The following CPZ variants were observed in gnomAD, a reference collection of about 807,000 sequenced individuals.
CPZ encodes the protein VEZT/CPZ fusion.
Under a neutral mutation model 61.8 loss-of-function variants are expected in CPZ, and 103 were observed. The observed-to-expected ratio is 1.67, with a 90% CI of 1.42 to 1.96. CPZ has a LOEUF of 1.96. CPZ is among the 30% of genes most tolerant of loss of function. The pLI, the probability that CPZ is intolerant of heterozygous loss-of-function variation, is 0.00. For missense variants in CPZ, 1,461 were observed against 914.9 expected (o/e 1.60, Z -7.70); for synonymous variants, 551 against 373.7 (o/e 1.47, Z -5.47).
Position 8,599,453 on chromosome 4 carries a change from G to T in CPZ, c.89G>T (p.Gly30Val). The T allele has an allele frequency of 6.2e-7, 1 of 1,610,548 alleles. No individual in the cohort carries two copies. Among genetic ancestry groups the T allele is most frequent in the Non-Finnish European group, 8.5e-7 (1 of 1,177,866 alleles). ...AACAGTGCCATGTCTCTCTTTCCAGGTGAATGCCACAGGCCACCAGCTGCA... is the reference window on the plus strand; with the variant it reads ...AACAGTGCCATGTCTCTCTTTCCAGTTGAATGCCACAGGCCACCAGCTGCA... Reference protein sequence around the residue: ...PGCEFERNPAGECHRPPAADS... With the variant: ...PGCEFERNPAVECHRPPAADS... Residue 30 changes from glycine (G) to valine (V), a missense_variant and splice_region_variant, in exon 2 of 11, where the codon GGT becomes GTT. Transcript: ENST00000360986.
At chr4:8,603,890 G>C in intron 3 of CPZ, 86 bp from the exon 4 acceptor site, 1 of 1,147,958 alleles carries the variant, frequency 8.7e-7, no homozygotes, top group Non-Finnish European at 1.3e-6. Context: ...AGGGGACTAA[G>C]GGTGCTGTGT....
At position 8,599,881 on chromosome 4, in the gene CPZ, C is replaced by T. The variant is rs151013719; in HGVS notation, c.121+396C>T. 8.5e-4 allele frequency: 198 copies of T among 232,724 alleles called. 6 individuals carry two copies. In the East Asian group the frequency reaches 0.02, roughly 23 times the overall value. 14.4% of individuals were successfully genotyped at this position (232,724 alleles called of 1,614,324 possible). On this transcript the variant is annotated intron_variant, in intron 2 of 10. Transcript: ENST00000360986. The stretch of plus-strand genomic sequence containing the variant: ...ACCTCCCCCGCCAGGCCCCGATTTC[C>T]TCCTTGTGACAGGAGGAGTGCTGAA...
At chr4:8,596,035 C>T (rs1416418391) in intron 1 of CPZ, among the ~76,000 whole-genome samples, 4 of 143,776 alleles carry the variant, frequency 2.8e-5, no homozygotes, top group Non-Finnish European at 6.1e-5. Context: ...AGCCTTCCAG[C>T]CTCCAGGGCT....
At chr4:8,596,630 T>C (rs1018913976) in intron 1 of CPZ, among the ~76,000 whole-genome samples, 1 of 152,240 alleles carries the variant, frequency 6.6e-6, no homozygotes, top group African/African-American at 2.4e-5. Flanking sequence ...TGATGGATCC[T>C]CCAACAGCCC....
intron 7 of CPZ, among the ~76,000 whole-genome samples, chr4:8,611,565 T>G (rs1229203709): frequency 6.6e-6 from 1 of 151,692 alleles, no homozygotes; most frequent in Admixed American, 6.6e-5. Flanking sequence ...TGGAGTGGGG[T>G]GGGGAATGAA....
rs138332395 is a variant in CPZ, at chr4:8,617,604, A to G, written c.1504-825A>G. Among the ~76,000 whole-genome samples, 265 of 152,358 alleles carry G rather than the reference A, an allele frequency of 1.7e-3. 1 individual carries two copies. The highest frequency in any genetic ancestry group is 6.2e-3 in the African/African-American group (257 of 41,586). On this transcript the variant is annotated intron_variant, in intron 9 of 10. Transcript: ENST00000360986. The stretch of plus-strand genomic sequence containing the variant: ...GATCATTTTCATAGTTTCTGGAAGC[A>G]CAGCAGGGCCTGGCTGGGAGCCCTT...
intron 5 of CPZ, among the ~76,000 whole-genome samples, chr4:8,606,467 C>T (rs866186542): frequency 3.3e-5 from 5 of 151,924 alleles, no homozygotes; most frequent in African/African-American, 7.3e-5. Flanking sequence ...GGGTAGCTCT[C>T]GGGGAGGTGG....
intron 2 of CPZ, chr4:8,599,728 G>A: frequency 1.0e-6 from 1 of 974,108 alleles, no homozygotes; most frequent in South Asian, 1.8e-5. Flanking sequence ...CCCCTGCAGA[G>A]ATGTCCTCTC....
intron 7 of CPZ, among the ~76,000 whole-genome samples, chr4:8,609,059 A>ACTCACCCATTCACTCACGTACTCACTCC (rs770569163): frequency 2.7e-3 from 321 of 118,000 alleles, no homozygotes; most frequent in East Asian, 9.1e-3. Context: ...TCCCTCCCTC[A>ACTCACCCATTCACTCACGTACTCACTCC]CTCCCTCACT....
intron 9 of CPZ, among the ~76,000 whole-genome samples, chr4:8,616,222 A>G (rs1652158467): frequency 6.6e-6 from 1 of 152,104 alleles, no homozygotes; most frequent in Non-Finnish European, 1.5e-5. Flanking sequence ...TGGCCAATTG[A>G]GGCTTTTTTC....
chr4:8,601,440 C>A lies in CPZ; in HGVS notation c.439C>A (p.His147Asn). ...DMAWPYFLDC[H>N]RYFTREDEGC... The stretch of plus-strand genomic sequence containing the variant: ...GGCCTGGCCCTACTTCCTTGACTGC[C>A]ACCGCTACTTCACGAGAGAGGACGA... The change falls in exon 3 of 11, where the codon CAC (histidine) becomes AAC (asparagine). Residue 147 changes from histidine to asparagine, a missense_variant. Physicochemically the swap from His to Asn is moderately conservative, Grantham distance 68. Transcript: ENST00000360986. 6.4e-7 allele frequency: 1 copy of A among 1,551,532 alleles called. No individual in the cohort carries two copies. The highest frequency in any genetic ancestry group is 8.7e-7 in the Non-Finnish European group (1 of 1,147,932).
At chr4:8,616,085 T>C (rs1716133696) in intron 9 of CPZ, among the ~76,000 whole-genome samples, 1 of 152,000 alleles carries the variant, frequency 6.6e-6, no homozygotes, top group Non-Finnish European at 1.5e-5. Context: ...ACACATGAAG[T>C]CTTGGGATAT....
chr4:8,602,103 C>A (rs1384804996), intron 3 of CPZ: 1 of 152,362 alleles, frequency 6.6e-6, no homozygotes, highest in Non-Finnish European at 1.5e-5. Context: ...ATGTCTCTTG[C>A]AGATGAAACA....
At chr4:8,593,943 G>C (rs1469458900) in intron 1 of CPZ, among the ~76,000 whole-genome samples, 1 of 152,176 alleles carries the variant, frequency 6.6e-6, no homozygotes, top group African/African-American at 2.4e-5. Context: ...CGTGTTGTGG[G>C]TGGGCCTCCC....
chr4:8,603,756 G>C lies in CPZ; in HGVS notation c.497-220G>C, dbSNP rs4441741. 30,832 of 586,026 alleles carry C rather than the reference G, an allele frequency of 0.053. 3,757 individuals are homozygous for C. The highest frequency in any genetic ancestry group is 0.36 in the African/African-American group (19,088 of 53,544). 36.3% of individuals were successfully genotyped at this position (586,026 alleles called of 1,614,324 possible). On this transcript the variant is annotated intron_variant, in intron 3 of 10. Coordinates refer to ENST00000360986, the MANE Select transcript of CPZ (RefSeq NM_001014447.3). ...CCATAGTATGTTTACTCACAGTCAC[G>C]TTAGGAACCATGGCGCTGTGCTGTG... is the stretch of plus-strand genomic sequence containing the variant.
At chr4:8,602,668 G>C (rs933768402) in intron 3 of CPZ, 1 of 152,298 alleles carries the variant, frequency 6.6e-6, no homozygotes, top group East Asian at 1.9e-4. Context: ...TGCGGATGGA[G>C]GGATGGATTT....
At chr4:8,611,284 TAC>T (rs1317380916) in intron 7 of CPZ, 5 of 456,180 alleles carry the variant, frequency 1.1e-5, no homozygotes, top group South Asian at 7.7e-5. Context: ...GTCTGGGACT[TAC>T]AGACGGCCCA....
rs1205694329 is a variant in CPZ, at chr4:8,618,453, G to C, written c.1528G>C (p.Val510Leu). The C allele has an allele frequency of 1.2e-5, 19 of 1,614,168 alleles. No homozygotes were observed. Among genetic ancestry groups the C allele is most frequent in the Non-Finnish European group, 1.5e-5 (18 of 1,180,016 alleles). ...GGTGCACCGGGGCATCAAAGGTGTG[G>C]TGACAGATAAATTCGGCAAGCCAGT... ...ETVHRGIKGVVTDKFGKPVKN... is the reference protein window; with the variant it reads ...ETVHRGIKGVLTDKFGKPVKN... Residue 510 changes from valine to leucine, a missense_variant, in exon 10 of 11, where the codon GTG (valine) becomes CTG (leucine). Val to Leu is a conservative substitution (Grantham distance 32). Transcript: ENST00000360986.
intron 4 of CPZ, among the ~76,000 whole-genome samples, chr4:8,605,423 TCATC>T (rs754504609): frequency 1.5e-4 from 22 of 151,698 alleles, no homozygotes; most frequent in Non-Finnish European, 2.7e-4. Flanking sequence ...CATCCACTCA[TCATC>T]CATCCATTTA....
Sources: gnomAD v4.1 joint callset for allele counts (sites outside exome capture counted in the v4.1 genomes callset) on GRCh38, gnomAD v4.1.1 for gene constraint, MANE v1.5 for transcripts, NCBI Gene and HGNC (gene_info 2026-07-23, HGNC 2026-07-21) for gene names.